FHOD3: variants seen among roughly 807,000 people sequenced by gnomAD.
The protein encoded by FHOD3 is formin homology 2 domain containing 3.
Under a neutral mutation model 173.0 loss-of-function variants are expected in FHOD3, and 90 were observed. That is an observed-to-expected ratio of 0.52 (90% confidence interval 0.44 to 0.62). The LOEUF (loss-of-function observed/expected upper bound fraction) is 0.62, where lower values mean the gene tolerates loss of function less well. Among genes scored for constraint, FHOD3 ranks in the 20% least tolerant of loss-of-function variants. The pLI is 0.00. For missense variants in FHOD3, 1,945 were observed against 2,034.7 expected (o/e 0.96, Z 0.85); for synonymous variants, 828 against 823.0 (o/e 1.01, Z -0.10).
At chr18:36,468,967 G>T (rs553894484) in intron 3 of FHOD3, among the ~76,000 whole-genome samples, 11 of 152,272 alleles carry the variant, frequency 7.2e-5, no homozygotes, top group Middle Eastern at 3.4e-3. Flanking sequence ...AGAGGAGTCG[G>T]ACAGTTAACA....
At chr18:36,434,296 A>G (rs940968106) in intron 3 of FHOD3, among the ~76,000 whole-genome samples, 1 of 152,206 alleles carries the variant, frequency 6.6e-6, no homozygotes, top group Non-Finnish European at 1.5e-5. Flanking sequence ...TAGTCGTTCA[A>G]ACACCATTTG....
chr18:36,640,775 G>A (rs2035246512), intron 10 of FHOD3, among the ~76,000 whole-genome samples: 1 of 151,962 alleles, frequency 6.6e-6, no homozygotes, highest in East Asian at 2.0e-4. Flanking sequence ...ACGCAGCCTT[G>A]TCCAATACGA....
In FHOD3 at chr18:36,584,465, G is replaced by A. The variant is rs1286656442; in HGVS notation, c.606+7920G>A. On this transcript the variant is annotated intron_variant, in intron 6 of 28. Transcript: ENST00000590592. ...GTACTCAGCCAGCAAATTCTATATG[G>A]TCCAGGCAAAGGGAGTTGCTAGAAC... 4.6e-5 allele frequency among the ~76,000 whole-genome samples: 7 copies of A among 152,176 alleles called. No individual in the cohort carries two copies. In the East Asian group the frequency reaches 1.2e-3, roughly 25 times the overall value.
intron 3 of FHOD3, among the ~76,000 whole-genome samples, chr18:36,435,763 T>C (rs1353138528): frequency 6.6e-6 from 1 of 152,208 alleles, no homozygotes; most frequent in African/African-American, 2.4e-5. Flanking sequence ...AAGTGTGTAA[T>C]TTCATCATGT....
In FHOD3 at chr18:36,779,324, C is replaced by G. The variant is rs770853450; in HGVS notation, c.4787-124C>G. ...GAGCAGGAAGGTACAGAGTGTGAAC[C>G]CTCTGGCTTCTCTGGAAGTCCCTGG... On this transcript the variant is annotated intron_variant, in intron 28 of 28. Transcript: ENST00000590592. 113 of 810,356 alleles carry G rather than the reference C, an allele frequency of 1.4e-4. 1 individual carries two copies. Among genetic ancestry groups the G allele is most frequent in the Middle Eastern group, 1.1e-3 (3 of 2,778 alleles). The allele number at this position is 810,356 out of a possible 1,614,324, so 50.2% of individuals were successfully genotyped here. A position where few individuals can be genotyped will look rare whatever the true frequency, so the allele number is the denominator to read the frequency against.
intron 17 of FHOD3, among the ~76,000 whole-genome samples, chr18:36,701,057 G>C (rs936343077): frequency 6.6e-6 from 1 of 152,244 alleles, no homozygotes; most frequent in African/African-American, 2.4e-5. Flanking sequence ...GGCAGGGCAC[G>C]TGCCTGTGCC....
chr18:36,558,205 C>T (rs1265963830), intron 5 of FHOD3, among the ~76,000 whole-genome samples: 2 of 152,038 alleles, frequency 1.3e-5, no homozygotes, highest in Non-Finnish European at 2.9e-5. Flanking sequence ...GTTCTATCTA[C>T]CTTGCTTTCT....
chr18:36,544,970 A>G (rs2057359332), intron 5 of FHOD3, among the ~76,000 whole-genome samples: 1 of 152,206 alleles, frequency 6.6e-6, no homozygotes, highest in South Asian at 2.1e-4. Flanking sequence ...TAGTTTTTAC[A>G]TCTCTAAAAC....
chr18:36,649,341 C>G lies in FHOD3; in HGVS notation c.1222C>G (p.Pro408Ala). 2 of 1,535,906 alleles carry G rather than the reference C, an allele frequency of 1.3e-6. No individual in the cohort carries two copies. Among genetic ancestry groups the G allele is most frequent in the Non-Finnish European group, 1.7e-6 (2 of 1,146,754 alleles). Residue 408 changes from proline (P) to alanine (A), a missense_variant, in exon 11 of 29, where the codon CCA becomes GCA. This residue lies in a region of FHOD3 where 1,099 missense variants were observed against 1,051.2 expected (regional missense o/e 1.05). Transcript: ENST00000590592. ...GGAGGAGGAGGAGGAAGAGGAGCAG[C>G]CAATCACGGAGCCCAGTTCCGAAGA... ...EKEEEEEEEQPITEPSSEEER... is the reference protein window; with the variant it reads ...EKEEEEEEEQAITEPSSEEER...
intron 3 of FHOD3, among the ~76,000 whole-genome samples, chr18:36,495,473 G>A (rs1049426020): frequency 1.3e-5 from 2 of 152,176 alleles, no homozygotes; most frequent in Non-Finnish European, 2.9e-5. Flanking sequence ...GCGAACTCAC[G>A]AGAAAAGTTT....
At chr18:36,598,074 G>C (rs547983328) in intron 7 of FHOD3, among the ~76,000 whole-genome samples, 1 of 152,106 alleles carries the variant, frequency 6.6e-6, no homozygotes, top group South Asian at 2.1e-4. Context: ...GCAGCTCTCC[G>C]GTTCCCTCTC....
At chr18:36,541,249 C>CAAAAAAA (rs770104487) in intron 5 of FHOD3, among the ~76,000 whole-genome samples, 1 of 40,350 alleles carries the variant, frequency 2.5e-5, no homozygotes, top group African/African-American at 8.8e-5. Context: ...GACTCTGTCT[C>CAAAAAAA]AAAAAAAAAA....
chr18:36,569,213 A>G (rs1374689258), intron 5 of FHOD3, among the ~76,000 whole-genome samples: 9 of 152,182 alleles, frequency 5.9e-5, no homozygotes, highest in Non-Finnish European at 7.4e-5. Context: ...ACAAGACCCA[A>G]CTAAATGCTG....
intron 3 of FHOD3, among the ~76,000 whole-genome samples, chr18:36,393,352 T>C (rs1315455629): frequency 6.6e-6 from 1 of 152,172 alleles, no homozygotes; most frequent in Non-Finnish European, 1.5e-5. Flanking sequence ...CTTGACACAA[T>C]TGACATTTGG....
chr18:36,603,055 T>G (rs539151426), intron 8 of FHOD3, among the ~76,000 whole-genome samples: 1 of 151,048 alleles, frequency 6.6e-6, no homozygotes, highest in African/African-American at 2.5e-5. Flanking sequence ...TGGCTGCCAA[T>G]TGAGGATGAG....
chr18:36,625,423 T>G, intron 9 of FHOD3, 88 bp from the exon 10 acceptor site: 1 of 1,201,844 alleles, frequency 8.3e-7, no homozygotes, highest in Non-Finnish European at 1.1e-6. Flanking sequence ...AAAATCCCTA[T>G]TAGGGCAATC....
rs968085780 is a variant in FHOD3 at position 36,709,212 on chromosome 18, C to G, written c.2354C>G (p.Thr785Ser). ...DIASAHEGAE[T>S]EVEQALEQEP... is the part of the protein sequence containing the mutation. ...GCCTCTGCCCACGAGGGTGCAGAGA[C>G]TGAAGTGGAGCAGGCACTAGAGCAA... The change falls in exon 18 of 29, where the codon ACT becomes AGT. Residue 785 changes from threonine (T) to serine (S), a missense_variant. By Grantham distance (58) the Thr-to-Ser change is moderately conservative. Around this residue, in one of 5 missense-constraint regions of FHOD3, gnomAD observed 1,099 missense variants for 1,051.2 expected, o/e 1.05. Coordinates refer to ENST00000590592, the MANE Select transcript of FHOD3 (RefSeq NM_001281740.3). 4 of 1,614,036 alleles carry G rather than the reference C, an allele frequency of 2.5e-6. No individual in the cohort carries two copies. In the African/African-American group the frequency reaches 5.3e-5, roughly 22 times the overall value.
chr18:36,537,610 A>T (rs2057048087), intron 5 of FHOD3, among the ~76,000 whole-genome samples: 1 of 152,170 alleles, frequency 6.6e-6, no homozygotes, highest in African/African-American at 2.4e-5. Context: ...AGAAACAGAG[A>T]AGGACATTAC....
At chr18:36,384,401 C>A (rs56048319) in intron 3 of FHOD3, among the ~76,000 whole-genome samples, 58,466 of 151,164 alleles carry the variant, frequency 0.39, 11,899 homozygotes, top group East Asian at 0.68. Flanking sequence ...AAAACAAACA[C>A]AAAAAACACC....
Sources: gnomAD v4.1 joint callset for allele counts (sites outside exome capture counted in the v4.1 genomes callset) on GRCh38, gnomAD v4.1.1 for gene constraint, gnomAD v4.1.1 regional missense constraint, MANE v1.5 for transcripts, NCBI Gene and HGNC (gene_info 2026-07-23, HGNC 2026-07-21) for gene names.